LARGE1: variants seen among roughly 807,000 people sequenced by gnomAD.
The protein encoded by LARGE1 is xylosyl- and glucuronyltransferase LARGE1.
LARGE1 carries 43 observed loss-of-function variants against 87.6 expected under a neutral mutation model. The ratio of observed to expected loss-of-function variants is 0.49; its 90% CI spans 0.38 to 0.63. LARGE1 has a LOEUF of 0.63. Ranked by LOEUF, LARGE1 falls within the 30% of genes least tolerant of loss-of-function variation. The pLI is 0.00. For synonymous variants in LARGE1, 434 were observed against 394.6 expected, an observed-to-expected ratio of 1.10 and a Z score of -1.18; for missense variants, 802 against 1,000.2, an observed-to-expected ratio of 0.80 and a Z score of 2.67.
At chr22:33,830,282 T>C (rs1356599389) in intron 1 of LARGE1, among the ~76,000 whole-genome samples, 3 of 152,152 alleles carry the variant, frequency 2.0e-5, no homozygotes, top group Non-Finnish European at 4.4e-5. Context: ...CATTTGATTA[T>C]AACATAAAAC....
intron 1 of LARGE1, among the ~76,000 whole-genome samples, chr22:33,783,028 T>C (rs766928237): frequency 8.2e-4 from 125 of 152,106 alleles, no homozygotes; most frequent in Non-Finnish European, 1.5e-3. Context: ...ATTGTAATGC[T>C]GTGACACAAA....
At chr22:33,888,036 C>T (rs1349463470) in intron 1 of LARGE1, among the ~76,000 whole-genome samples, 1 of 152,156 alleles carries the variant, frequency 6.6e-6, no homozygotes, top group African/African-American at 2.4e-5. Flanking sequence ...GAGCTCATTC[C>T]ATCGTTCCTT....
At chr22:33,318,195 A>C (rs553165826) in intron 10 of LARGE1, among the ~76,000 whole-genome samples, 1 of 149,082 alleles carries the variant, frequency 6.7e-6, no homozygotes, top group East Asian at 2.0e-4. Context: ...AGATCATGAC[A>C]CTGCATGCCA....
chr22:33,136,566 T>C, the LARGE1 span, among the ~76,000 whole-genome samples: 2 of 152,174 alleles, frequency 1.3e-5, no homozygotes, highest in Non-Finnish European at 2.9e-5. Flanking sequence ...CAATATTTTT[T>C]TTACAATTAA....
chr22:33,719,471 C>G (rs2083013708), intron 2 of LARGE1, among the ~76,000 whole-genome samples: 1 of 151,748 alleles, frequency 6.6e-6, no homozygotes, highest in Admixed American at 6.6e-5. Context: ...ATGGTAAGTG[C>G]CCTATACAGG....
chr22:33,896,379 G>A (rs772922488), intron 1 of LARGE1, among the ~76,000 whole-genome samples: 3 of 152,292 alleles, frequency 2.0e-5, no homozygotes, highest in East Asian at 1.9e-4. Flanking sequence ...TGTGAATGAC[G>A]CTGCTATGAA....
At chr22:33,798,639 T>C (rs1044935983) in intron 1 of LARGE1, among the ~76,000 whole-genome samples, 2 of 152,124 alleles carry the variant, frequency 1.3e-5, no homozygotes, top group East Asian at 3.9e-4. Context: ...ACATAGGACC[T>C]TGACACGTTT....
intron 1 of LARGE1, among the ~76,000 whole-genome samples, chr22:33,829,191 T>C (rs1338349225): frequency 6.6e-6 from 1 of 151,884 alleles, no homozygotes; most frequent in African/African-American, 2.4e-5. Context: ...GTATTTTTAA[T>C]AGAGACGGGG....
At chr22:33,806,423 C>G (rs1042312867) in intron 1 of LARGE1, among the ~76,000 whole-genome samples, 1 of 152,186 alleles carries the variant, frequency 6.6e-6, no homozygotes, top group African/African-American at 2.4e-5. Flanking sequence ...GCACATTTTC[C>G]AGCCCCAGTG....
chr22:33,896,021 ACACC>A (rs2065134972), intron 1 of LARGE1, among the ~76,000 whole-genome samples: 1 of 152,096 alleles, frequency 6.6e-6, no homozygotes, highest in Non-Finnish European at 1.5e-5. Flanking sequence ...ACCATTACCA[ACACC>A]CACCTCCAGC....
intron 2 of LARGE1, among the ~76,000 whole-genome samples, chr22:33,732,101 G>A (rs1361094742): frequency 6.6e-6 from 1 of 152,158 alleles, no homozygotes; most frequent in Non-Finnish European, 1.5e-5. Context: ...AACAACAAGA[G>A]CTTCGGTAGC....
chr22:33,506,414 C>T (rs1018895296), intron 6 of LARGE1, among the ~76,000 whole-genome samples: 5 of 152,094 alleles, frequency 3.3e-5, no homozygotes, highest in Non-Finnish European at 7.4e-5. Flanking sequence ...CCTGTGTCCT[C>T]GAGGAAACCC....
chr22:33,146,234 AAGAT>A, the LARGE1 span, among the ~76,000 whole-genome samples: 11 of 152,344 alleles, frequency 7.2e-5, no homozygotes, highest in Non-Finnish European at 1.5e-4. Flanking sequence ...CAGAAGGTCA[AAGAT>A]AGAAGTGAGA....
chr22:33,328,380 G>C (rs979972062), intron 10 of LARGE1, among the ~76,000 whole-genome samples: 1 of 152,106 alleles, frequency 6.6e-6, no homozygotes, highest in Non-Finnish European at 1.5e-5. Context: ...AGGAGTTCAA[G>C]ACCAGCCTGA....
chr22:33,299,658 A>G (rs1933879554), intron 12 of LARGE1, among the ~76,000 whole-genome samples: 1 of 152,216 alleles, frequency 6.6e-6, no homozygotes. Context: ...GGCACCCGCC[A>G]TAGCCCCACA....
chr22:33,214,994 C>A (rs79371019), intron 11 of LARGE1, among the ~76,000 whole-genome samples: 3,337 of 152,242 alleles, frequency 0.022, 125 homozygotes, highest in African/African-American at 0.075. Flanking sequence ...CATTCTGCCC[C>A]CAAGGCCCTA....
At chr22:33,183,626 A>ACGCACG (rs1389303871) in intron 11 of LARGE1, among the ~76,000 whole-genome samples, 2 of 124,372 alleles carry the variant, frequency 1.6e-5, no homozygotes, top group African/African-American at 6.0e-5. Flanking sequence ...ACACGCACAC[A>ACGCACG]CACACACACA....
intron 7 of LARGE1, among the ~76,000 whole-genome samples, chr22:33,395,959 CT>C (rs905768802): frequency 6.6e-6 from 1 of 152,220 alleles, no homozygotes; most frequent in African/African-American, 2.4e-5. Flanking sequence ...CGATTTGCCC[CT>C]TTTCCCCCAG....
At chr22:33,610,352 T>A (rs1013093654) in intron 4 of LARGE1, among the ~76,000 whole-genome samples, 2 of 152,208 alleles carry the variant, frequency 1.3e-5, no homozygotes, top group Non-Finnish European at 2.9e-5. Context: ...AGTTCTCAGA[T>A]GCGAATGAGG....
Sources: allele counts gnomAD v4.1 joint callset (sites outside exome capture counted in the v4.1 genomes callset), GRCh38; gene constraint gnomAD v4.1.1; transcripts MANE v1.5; gene names NCBI Gene and HGNC (gene_info 2026-07-23, HGNC 2026-07-21).